SPMIP7: variants seen among roughly 807,000 people sequenced by gnomAD.
SPMIP7 encodes sperm microtubule inner protein 7.
the SPMIP7 span, among the ~76,000 whole-genome samples, chr7:50,139,639 A>T: frequency 6.6e-6 from 1 of 152,216 alleles, no homozygotes; most frequent in African/African-American, 2.4e-5. Flanking sequence ...TGGGTTAGTC[A>T]GCACTGCCAC....
At chr7:50,137,826 T>G in the SPMIP7 span, among the ~76,000 whole-genome samples, 1 of 152,200 alleles carries the variant, frequency 6.6e-6, no homozygotes, top group Non-Finnish European at 1.5e-5. Flanking sequence ...TGCTTATATA[T>G]TTTGTCCCTT....
the SPMIP7 span, among the ~76,000 whole-genome samples, chr7:50,135,507 T>C: frequency 6.6e-6 from 1 of 152,160 alleles, no homozygotes; most frequent in African/African-American, 2.4e-5. Context: ...ATGTCTTTAA[T>C]ATAAAGACTC....
At chr7:50,108,093 C>T in the SPMIP7 span, among the ~76,000 whole-genome samples, 1 of 152,126 alleles carries the variant, frequency 6.6e-6, no homozygotes, top group Non-Finnish European at 1.5e-5. Context: ...GGAAGTTCTA[C>T]TTCAATGTGA....
chr7:50,113,026 A>G, the SPMIP7 span, among the ~76,000 whole-genome samples: 918 of 152,012 alleles, frequency 6.0e-3, 10 homozygotes, highest in African/African-American at 0.021. Context: ...CTGAAACTCA[A>G]ACAGGACAGG....
chr7:50,110,826 C>T, the SPMIP7 span, among the ~76,000 whole-genome samples: 1 of 128,454 alleles, frequency 7.8e-6, no homozygotes, highest in African/African-American at 3.1e-5. Context: ...AATATATAAT[C>T]ATATTATATA....
the SPMIP7 span, among the ~76,000 whole-genome samples, chr7:50,101,356 C>T: frequency 6.6e-6 from 1 of 152,208 alleles, no homozygotes; most frequent in African/African-American, 2.4e-5. Context: ...ACCTAAGCCC[C>T]CAGCTAATGG....
At chr7:50,133,946 T>G in the SPMIP7 span, among the ~76,000 whole-genome samples, 1 of 152,128 alleles carries the variant, frequency 6.6e-6, no homozygotes, top group East Asian at 1.9e-4. Flanking sequence ...AATCACTTGC[T>G]CTGCCTACTG....
the SPMIP7 span, among the ~76,000 whole-genome samples, chr7:50,099,796 C>A: frequency 6.6e-6 from 1 of 152,078 alleles, no homozygotes; most frequent in African/African-American, 2.4e-5. Context: ...AAGCTGGGGT[C>A]CTGGATCAAC....
At chr7:50,159,174 G>A in the SPMIP7 span, 1 of 1,550,932 alleles carries the variant, frequency 6.4e-7, no homozygotes, top group South Asian at 1.2e-5. Context: ...TACTAGAGGA[G>A]GCGGCCCTGC....
At chr7:50,138,498 T>C in the SPMIP7 span, among the ~76,000 whole-genome samples, 1 of 152,234 alleles carries the variant, frequency 6.6e-6, no homozygotes, top group Admixed American at 6.5e-5. Flanking sequence ...TTTTGCTCTC[T>C]GGAATTTCAT....
At chr7:50,102,001 T>G in the SPMIP7 span, among the ~76,000 whole-genome samples, 1 of 152,164 alleles carries the variant, frequency 6.6e-6, no homozygotes, top group East Asian at 1.9e-4. Flanking sequence ...CATCTCGGTC[T>G]TCTGTTTAGA....
At chr7:50,117,211 G>A in the SPMIP7 span, 2 of 454,688 alleles carry the variant, frequency 4.4e-6, no homozygotes, top group African/African-American at 4.0e-5. Context: ...CTTTCACGCT[G>A]TTCATTCATG....
At chr7:50,130,070 A>G in the SPMIP7 span, among the ~76,000 whole-genome samples, 1 of 152,146 alleles carries the variant, frequency 6.6e-6, no homozygotes, top group Non-Finnish European at 1.5e-5. Context: ...CAAGACAGAG[A>G]AAGTTTAAAT....
the SPMIP7 span, among the ~76,000 whole-genome samples, chr7:50,102,921 T>G: frequency 6.6e-6 from 1 of 150,420 alleles, no homozygotes; most frequent in East Asian, 1.9e-4. Flanking sequence ...GAATAACTCA[T>G]GAAGGTCACT....
the SPMIP7 span, among the ~76,000 whole-genome samples, chr7:50,099,717 A>G: frequency 6.6e-6 from 1 of 152,266 alleles, no homozygotes; most frequent in Admixed American, 6.5e-5. Flanking sequence ...ATAGGCAACT[A>G]GACTGTGCCA....
the SPMIP7 span, among the ~76,000 whole-genome samples, chr7:50,145,070 T>A: frequency 6.6e-6 from 1 of 151,894 alleles, no homozygotes; most frequent in Non-Finnish European, 1.5e-5. Context: ...GAGATCAGGC[T>A]GGCCAACATG....
At chr7:50,133,299 C>T in the SPMIP7 span, among the ~76,000 whole-genome samples, 2 of 151,920 alleles carry the variant, frequency 1.3e-5, no homozygotes, top group African/African-American at 4.8e-5. Flanking sequence ...GCCCTTCAAC[C>T]ATGCCAAAAA....
At chr7:50,135,975 C>G in the SPMIP7 span, 20 of 668,686 alleles carry the variant, frequency 3.0e-5, no homozygotes, top group East Asian at 1.4e-4. Context: ...TTGGAGAGTG[C>G]GTTTCCTAGG....
chr7:50,131,190 T>C, the SPMIP7 span, among the ~76,000 whole-genome samples: 1 of 152,004 alleles, frequency 6.6e-6, no homozygotes, highest in Admixed American at 6.6e-5. Context: ...GGCAGAAAAA[T>C]TTGTAAGCAA....
Sources: allele counts gnomAD v4.1 joint callset (sites outside exome capture counted in the v4.1 genomes callset), GRCh38; gene constraint gnomAD v4.1.1; transcripts MANE v1.5; gene names NCBI Gene and HGNC (gene_info 2026-07-23, HGNC 2026-07-21).